The following DLC1 variants were observed in gnomAD, a reference collection of about 807,000 sequenced individuals.
The protein encoded by DLC1 is DLC1 Rho GTPase activating protein.
A neutral mutation model predicts 140.3 loss-of-function variants in DLC1; 54 were observed. The observed-to-expected ratio is 0.38, with a 90% CI of 0.31 to 0.48. The LOEUF is 0.48. Among genes scored for constraint, DLC1 ranks in the 20% least tolerant of loss-of-function variants. The pLI is 0.96. For missense variants in DLC1, 2,536 were observed against 1,907.0 expected, an observed-to-expected ratio of 1.33 and a Z score of -6.14; for synonymous variants, 986 against 728.1, an observed-to-expected ratio of 1.35 and a Z score of -5.70.
intron 4 of DLC1, chr8:13,341,642 C>T (rs2278945): frequency 0.49 from 74,000 of 151,934 alleles, 18,573 homozygotes; most frequent in Admixed American, 0.59. Context: ...AAGGACACGT[C>T]GCAGAAAGCC....
chr8:13,138,667 A>G (rs978134559), intron 5 of DLC1, among the ~76,000 whole-genome samples: 1 of 152,254 alleles, frequency 6.6e-6, no homozygotes, highest in Non-Finnish European at 1.5e-5. Flanking sequence ...AAGGAAAGTA[A>G]CTAAGTTAGA....
At chr8:13,157,314 A>G (rs544493491) in intron 5 of DLC1, among the ~76,000 whole-genome samples, 1 of 152,336 alleles carries the variant, frequency 6.6e-6, no homozygotes, top group South Asian at 2.1e-4. Flanking sequence ...GCGGGGTTAG[A>G]GAAAGTACAG....
At chr8:13,204,537 G>A (rs1289444289) in intron 5 of DLC1, among the ~76,000 whole-genome samples, 6 of 152,044 alleles carry the variant, frequency 3.9e-5, no homozygotes, top group Non-Finnish European at 5.9e-5. Flanking sequence ...CAGTTTCAGG[G>A]TAATTTCAAC....
intron 2 of DLC1, among the ~76,000 whole-genome samples, chr8:13,443,118 A>T (rs537222458): frequency 7.3e-4 from 107 of 147,436 alleles, no homozygotes; most frequent in African/African-American, 2.1e-3. Context: ...AAAACCAAAC[A>T]CTGCATGTTC....
chr8:13,473,343 A>G (rs760029057), intron 2 of DLC1, among the ~76,000 whole-genome samples: 4 of 152,170 alleles, frequency 2.6e-5, no homozygotes, highest in Admixed American at 6.5e-5. Context: ...TTCCCGTGAT[A>G]GTGAATAAGT....
chr8:13,600,160 T>G (rs545679812), intron 1 of DLC1, among the ~76,000 whole-genome samples: 6 of 152,070 alleles, frequency 3.9e-5, no homozygotes, highest in African/African-American at 1.4e-4. Flanking sequence ...CCCCAAAGTA[T>G]GTAATTCTCT....
In DLC1 at chr8:13,557,090, G is replaced by C. The variant is rs575731262; in HGVS notation, c.-126+47447C>G. 2.6e-5 allele frequency among the ~76,000 whole-genome samples: 4 copies of C among 152,328 alleles called. No individual in the cohort carries two copies. In the South Asian group the frequency reaches 6.2e-4, roughly 24 times the overall value. On this transcript the variant is annotated intron_variant, in intron 1 of 1. Coordinates refer to the DLC1 transcript ENST00000631382. ...ACTGAGTATGAGACAGGGGAAAGCT[G>C]CTGGGGAACTCTGAATGTTATTCTA...
chr8:13,142,406 G>A (rs1390296086), intron 5 of DLC1, among the ~76,000 whole-genome samples: 3 of 151,944 alleles, frequency 2.0e-5, no homozygotes, highest in East Asian at 1.9e-4. Flanking sequence ...TCTTTTAGAC[G>A]GTTAACAAAA....
rs975040772 is a variant in DLC1, at chr8:13,084,688, G to C, written c.*1123C>G. The C allele has an allele frequency of 4.6e-5, 7 of 151,050 alleles. No individual in the cohort carries two copies. The highest frequency in any genetic ancestry group is 1.0e-4 in the Non-Finnish European group (7 of 67,796). The allele number at this position is 151,050 out of a possible 1,614,324, so 9.4% of individuals were successfully genotyped here. On this transcript the variant is annotated 3_prime_UTR_variant, in exon 18 of 18. Transcript: ENST00000276297. ...AACCAGAAAACCTATTTGCTGATAA[G>C]AACAAGCCCAATGAATAAACACATG... is the stretch of plus-strand genomic sequence containing the variant.
In DLC1 at chr8:13,154,076, C is replaced by T. The variant is rs559082317; in HGVS notation, c.1349-38419G>A. Among the ~76,000 whole-genome samples the T allele has an allele frequency of 3.2e-3, 488 of 151,962 alleles. 1 individual carries two copies. Among genetic ancestry groups the T allele is most frequent in the South Asian group, 6.5e-3 (31 of 4,804 alleles). On this transcript the variant is annotated intron_variant, in intron 5 of 17. Coordinates refer to ENST00000276297, the MANE Select transcript of DLC1 (RefSeq NM_182643.3). Reference sequence around the variant, plus strand: ...GTGCTGATTGGTGCATTTACAAACCCTGAGCTAGACTCAGGGTGGTGATTG... The same window carrying T: ...GTGCTGATTGGTGCATTTACAAACCTTGAGCTAGACTCAGGGTGGTGATTG...
chr8:13,499,877 A>G lies in DLC1; in HGVS notation c.195T>C (p.Cys65=). ...KEKCVSLPDC[C]HGSELRDFPG... ...GAAAATCTCTCAGCTCTGATCCATG[A>G]CAGCAGTCAGGTAGTGAAACACACT... is the stretch of plus-strand genomic sequence containing the variant. The change falls in exon 2 of 18, where the codon TGT becomes TGC. Residue 65 remains cysteine, a synonymous_variant. Coordinates refer to ENST00000276297, the MANE Select transcript of DLC1 (RefSeq NM_182643.3). The G allele has an allele frequency of 6.2e-7, 1 of 1,614,098 alleles. No individual in the cohort carries two copies. Among genetic ancestry groups the G allele is most frequent in the Non-Finnish European group, 8.5e-7 (1 of 1,179,996 alleles).
chr8:13,103,397 T>C (rs1210150412), intron 7 of DLC1, among the ~76,000 whole-genome samples: 1 of 152,118 alleles, frequency 6.6e-6, no homozygotes, highest in African/African-American at 2.4e-5. Context: ...TTAATTTTTA[T>C]ATTTTAGTGT....
At chr8:13,270,648 C>A (rs922307719) in intron 5 of DLC1, among the ~76,000 whole-genome samples, 1 of 152,196 alleles carries the variant, frequency 6.6e-6, no homozygotes, top group African/African-American at 2.4e-5. Context: ...AAGATCAGCA[C>A]AAAAGTCACC....
chr8:13,523,708 A>T (rs968021319), intron 1 of DLC1, among the ~76,000 whole-genome samples: 13 of 152,310 alleles, frequency 8.5e-5, no homozygotes, highest in Non-Finnish European at 1.8e-4. Context: ...TATGGAAAAA[A>T]TTAGCATGGT....
In DLC1 at chr8:13,092,812, G is replaced by C; in HGVS notation, c.3540C>G (p.Asp1180Glu). 6.2e-7 allele frequency: 1 copy of C among 1,613,304 alleles called. No homozygotes were observed. The highest frequency in any genetic ancestry group is 8.5e-7 in the Non-Finnish European group (1 of 1,179,524). The change falls in exon 13 of 18, where the codon GAC becomes GAG. Residue 1180 changes from aspartate (D) to glutamate (E), a missense_variant. Coordinates refer to ENST00000276297, the MANE Select transcript of DLC1 (RefSeq NM_182643.3). ...CAGCCTTGATGGCCTGCAGGCGCTGGTCCTTGGGCACATCTGCACGACACC... is the reference window on the plus strand; with the variant it reads ...CAGCCTTGATGGCCTGCAGGCGCTGCTCCTTGGGCACATCTGCACGACACC... ...FLQIYQYVPKDQRLQAIKAAI... is the reference protein window; with the variant it reads ...FLQIYQYVPKEQRLQAIKAAI...
rs1834502621 is a variant in DLC1 at position 13,348,932 on chromosome 8, G to T, written c.1315-43630C>A. Among the ~76,000 whole-genome samples, 3 of 152,110 alleles carry T rather than the reference G, an allele frequency of 2.0e-5. No individual in the cohort carries two copies. In the South Asian group the frequency reaches 6.2e-4, roughly 32 times the overall value. On this transcript the variant is annotated intron_variant, in intron 4 of 17. Coordinates refer to ENST00000276297, the MANE Select transcript of DLC1 (RefSeq NM_182643.3). Reference sequence around the variant, plus strand: ...AAGCATATTCTTTGAGCTGGAAAACGGAAAGTGCTCAGAAATTGGAGGCAG... The same window carrying T: ...AAGCATATTCTTTGAGCTGGAAAACTGAAAGTGCTCAGAAATTGGAGGCAG...
At chr8:13,547,761 C>A (rs528667830) in intron 1 of DLC1, among the ~76,000 whole-genome samples, 1 of 152,000 alleles carries the variant, frequency 6.6e-6, no homozygotes, top group Non-Finnish European at 1.5e-5. Flanking sequence ...AACTTCATAT[C>A]CCTGCCTACT....
chr8:13,588,616 GA>G (rs1485844516), intron 1 of DLC1, among the ~76,000 whole-genome samples: 17 of 152,020 alleles, frequency 1.1e-4, no homozygotes, highest in Non-Finnish European at 2.2e-4. Context: ...AAAAGTGACA[GA>G]AAATAGTCTT....
intron 2 of DLC1, among the ~76,000 whole-genome samples, chr8:13,485,591 T>A (rs1800934522): frequency 1.3e-5 from 2 of 152,236 alleles, no homozygotes; most frequent in Admixed American, 6.5e-5. Flanking sequence ...GTAACGTATC[T>A]GTTGACATCT....
Sources: allele counts gnomAD v4.1 joint callset (sites outside exome capture counted in the v4.1 genomes callset), GRCh38; gene constraint gnomAD v4.1.1; transcripts MANE v1.5; gene names NCBI Gene and HGNC (gene_info 2026-07-23, HGNC 2026-07-21).